Variants in NR6A1 observed in about 807,000 individuals in gnomAD.
NR6A1 encodes the protein retinoic acid receptor-related testis-associated receptor.
NR6A1 carries 7 observed loss-of-function variants against 59.1 expected under a neutral mutation model. The ratio of observed to expected loss-of-function variants is 0.12; its 90% CI spans 0.07 to 0.22. The LOEUF (loss-of-function observed/expected upper bound fraction) is 0.22. Among genes scored for constraint, NR6A1 ranks in the 10% least tolerant of loss-of-function variants. The pLI, the probability that NR6A1 is intolerant of heterozygous loss-of-function variation, is 1.00. For missense variants in NR6A1, 468 were observed against 611.6 expected (o/e 0.77, Z 2.48); for synonymous variants, 243 against 236.1 (o/e 1.03, Z -0.27).
chr9:124,665,434 G>A (rs1465232792), intron 2 of NR6A1, among the ~76,000 whole-genome samples: 1 of 152,120 alleles, frequency 6.6e-6, no homozygotes, highest in Non-Finnish European at 1.5e-5. Context: ...CAAATACACA[G>A]GCTGGTTCCA....
At chr9:124,670,493 GAA>G (rs1370863765) in intron 2 of NR6A1, among the ~76,000 whole-genome samples, 1 of 149,238 alleles carries the variant, frequency 6.7e-6, no homozygotes. Flanking sequence ...GCTAGGAAAT[GAA>G]AAGTCTTAGT....
intron 2 of NR6A1, among the ~76,000 whole-genome samples, chr9:124,559,115 A>G (rs73579842): frequency 0.018 from 2,773 of 152,318 alleles, 78 homozygotes; most frequent in African/African-American, 0.062. Context: ...GTTTTTACAT[A>G]CACTATTTAC....
At chr9:124,688,906 T>C (rs1838429752) in intron 2 of NR6A1, among the ~76,000 whole-genome samples, 2 of 152,238 alleles carry the variant, frequency 1.3e-5, no homozygotes, top group African/African-American at 4.8e-5. Flanking sequence ...AATAATGTTA[T>C]CTAATTTAAT....
intron 2 of NR6A1, among the ~76,000 whole-genome samples, chr9:124,567,086 C>T (rs1250606690): frequency 6.7e-6 from 1 of 148,712 alleles, no homozygotes; most frequent in East Asian, 2.0e-4. Context: ...CCAGCCTGGG[C>T]GACAGAGCGA....
intron 2 of NR6A1, among the ~76,000 whole-genome samples, chr9:124,646,234 G>T (rs1248825056): frequency 6.6e-6 from 1 of 151,892 alleles, no homozygotes; most frequent in Admixed American, 6.6e-5. Flanking sequence ...CAGAAGAAAA[G>T]AAATAATAAA....
At chr9:124,669,995 T>C (rs78069491) in intron 2 of NR6A1, among the ~76,000 whole-genome samples, 1,574 of 152,260 alleles carry the variant, frequency 0.01, 26 homozygotes, top group African/African-American at 0.036. Flanking sequence ...TGATGTCTTA[T>C]TTGTTAAAGG....
chr9:124,537,498 GA>G (rs1412225121), intron 6 of NR6A1, among the ~76,000 whole-genome samples: 1 of 152,290 alleles, frequency 6.6e-6, no homozygotes, highest in East Asian at 1.9e-4. Flanking sequence ...ACCTTCCTGG[GA>G]GGTCTAAGCT....
intron 2 of NR6A1, among the ~76,000 whole-genome samples, chr9:124,721,719 A>G (rs553883197): frequency 6.6e-6 from 1 of 152,330 alleles, no homozygotes; most frequent in African/African-American, 2.4e-5. Context: ...CCCAGATGAC[A>G]CTTCAAAAAT....
chr9:124,604,038 A>G (rs1475601454), intron 2 of NR6A1, among the ~76,000 whole-genome samples: 1 of 152,218 alleles, frequency 6.6e-6, no homozygotes, highest in Admixed American at 6.5e-5. Context: ...AAGAAAGGAC[A>G]ATGAGGGCTT....
intron 2 of NR6A1, among the ~76,000 whole-genome samples, chr9:124,616,421 A>AG (rs1835894569): frequency 6.7e-6 from 1 of 148,626 alleles, no homozygotes; most frequent in African/African-American, 2.5e-5. Context: ...AAAAAAAAAA[A>AG]GAAAAGAACT....
In NR6A1 at chr9:124,594,107, C is replaced by A. The variant is rs139261667; in HGVS notation, c.143-39537G>T. ...TGCTTTTTTTACAGTAGCATTTTCA[C>A]TGACCTCTTTTGTAAGCAGTTGATT... On this transcript the variant is annotated intron_variant, in intron 2 of 9. Transcript: ENST00000487099. Among the ~76,000 whole-genome samples, 4 of 152,092 alleles carry A rather than the reference C, an allele frequency of 2.6e-5. No individual in the cohort carries two copies. The East Asian group carries it at 7.7e-4, about 29-fold the overall frequency.
At position 124,522,831 on chromosome 9, in the gene NR6A1, C is replaced by A; in HGVS notation, c.1355-38G>T. On this transcript the variant is annotated intron_variant, in intron 9 of 9. Transcript: ENST00000487099. ...GGGGAGAAGAAGAGTTAGCAGTGGT[C>A]ACTCTAGTGGACAGGCAAGTCAGCC... is the stretch of plus-strand genomic sequence containing the variant. 2.7e-6 allele frequency: 4 copies of A among 1,507,298 alleles called. No homozygotes were observed. The South Asian group carries it at 4.8e-5, about 18-fold the overall frequency. 93.4% of individuals were successfully genotyped at this position (1,507,298 alleles called of 1,614,324 possible).
At position 124,595,794 on chromosome 9, in the gene NR6A1, T is replaced by C. The variant is rs59588696; in HGVS notation, c.143-41224A>G. ...TGCTTCTTGTAGTCTGCTGAAAAGT[T>C]CTATTGCAGCCATGAAGAAACAGAG... is the stretch of plus-strand genomic sequence containing the variant. On this transcript the variant is annotated intron_variant, in intron 2 of 9. Transcript: ENST00000487099. 4,928 of 1,289,658 alleles carry C rather than the reference T, an allele frequency of 3.8e-3. 139 individuals are homozygous for C. The African/African-American group carries it at 0.063, about 17-fold the overall frequency. 79.9% of individuals were successfully genotyped at this position (1,289,658 alleles called of 1,614,324 possible).
chr9:124,583,595 A>C (rs552272454), intron 2 of NR6A1, among the ~76,000 whole-genome samples: 2 of 152,196 alleles, frequency 1.3e-5, no homozygotes, highest in Non-Finnish European at 2.9e-5. Context: ...CTCACAGATC[A>C]AAGTTCTCTC....
In NR6A1 at chr9:124,763,911, C is replaced by T. The variant is rs550218093; in HGVS notation, c.100+7109G>A. Among the ~76,000 whole-genome samples, 175 of 152,240 alleles carry T rather than the reference C, an allele frequency of 1.1e-3. 1 individual carries two copies. Among genetic ancestry groups the T allele is most frequent in the African/African-American group, 3.8e-3 (158 of 41,552 alleles). On this transcript the variant is annotated intron_variant, in intron 1 of 9. Transcript: ENST00000487099. Reference sequence around the variant, plus strand: ...TTTTAAAAATGAAAACTGCCAGGCGCGGTGGCTCATGTCTGTAATCCCAGT... The same window carrying T: ...TTTTAAAAATGAAAACTGCCAGGCGTGGTGGCTCATGTCTGTAATCCCAGT...
chr9:124,640,583 A>G (rs1836742674), intron 2 of NR6A1, among the ~76,000 whole-genome samples: 2 of 151,988 alleles, frequency 1.3e-5, no homozygotes, highest in South Asian at 4.2e-4. Flanking sequence ...AATTTTTTGT[A>G]GCCATGGGGT....
chr9:124,538,944 G>C (rs948374698), intron 5 of NR6A1, among the ~76,000 whole-genome samples: 1 of 150,466 alleles, frequency 6.6e-6, no homozygotes, highest in Non-Finnish European at 1.5e-5. Flanking sequence ...ACAGTGGTGT[G>C]CACCTACAGT....
intron 2 of NR6A1, among the ~76,000 whole-genome samples, chr9:124,668,537 A>G (rs1564227707): frequency 6.6e-6 from 1 of 152,232 alleles, no homozygotes; most frequent in Non-Finnish European, 1.5e-5. Flanking sequence ...AAACATAAAA[A>G]GGAAAATTTG....
intron 2 of NR6A1, among the ~76,000 whole-genome samples, chr9:124,654,442 C>T (rs1837190130): frequency 6.6e-6 from 1 of 152,170 alleles, no homozygotes; most frequent in South Asian, 2.1e-4. Context: ...TCTCCAACAT[C>T]ACCCCTACTT....
Sources: allele counts gnomAD v4.1 joint callset (sites outside exome capture counted in the v4.1 genomes callset), GRCh38; gene constraint gnomAD v4.1.1; transcripts MANE v1.5; gene names NCBI Gene and HGNC (gene_info 2026-07-23, HGNC 2026-07-21).